The following KIF26B variants were observed in gnomAD, a reference collection of about 807,000 sequenced individuals.
The protein encoded by KIF26B is kinesin family member 26B.
KIF26B carries 63 observed loss-of-function variants against 151.2 expected under a neutral mutation model. The observed-to-expected ratio is 0.42, with a 90% CI of 0.34 to 0.51. KIF26B has a LOEUF of 0.51. Ranked by LOEUF, KIF26B falls within the 20% of genes least tolerant of loss-of-function variation. The probability of loss-of-function intolerance (pLI) is 0.07; values close to 1 mark genes in which losing one functional copy is unlikely to be tolerated. For missense variants in KIF26B, 2,813 were observed against 2,913.6 expected, an observed-to-expected ratio of 0.97 and a Z score of 0.79; for synonymous variants, 1,357 against 1,262.1, an observed-to-expected ratio of 1.08 and a Z score of -1.59.
At position 245,559,751 on chromosome 1, in the gene KIF26B, G is replaced by T. The variant is rs577432229; in HGVS notation, c.1350+18801G>T. Among the ~76,000 whole-genome samples the T allele has an allele frequency of 7.6e-4, 115 of 151,872 alleles. 1 individual carries two copies. In the South Asian group the frequency reaches 0.023, roughly 30 times the overall value. On this transcript the variant is annotated intron_variant, in intron 5 of 14. Coordinates refer to ENST00000407071, the MANE Select transcript of KIF26B (RefSeq NM_018012.4). ...TAGAGATGGGGGGTCTTACTATGTT[G>T]CCCAGGCTGGTTTTGAACTCCTGGA... is the stretch of plus-strand genomic sequence containing the variant.
At chr1:245,355,653 C>G (rs1324129168) in intron 2 of KIF26B, among the ~76,000 whole-genome samples, 1 of 151,698 alleles carries the variant, frequency 6.6e-6, no homozygotes, top group African/African-American at 2.4e-5. Context: ...TACCAGCGGT[C>G]AAGAACCATT....
intron 4 of KIF26B, among the ~76,000 whole-genome samples, chr1:245,510,499 C>G (rs987375756): frequency 2.6e-5 from 4 of 151,910 alleles, no homozygotes; most frequent in South Asian, 4.2e-4. Flanking sequence ...AGCTGCTGTG[C>G]CAAGAACCCT....
intron 10 of KIF26B, among the ~76,000 whole-genome samples, chr1:245,661,719 C>G (rs867444110): frequency 7.8e-6 from 1 of 128,030 alleles, no homozygotes; most frequent in South Asian, 2.6e-4. Flanking sequence ...ACACACACCA[C>G]CAATATATAT....
chr1:245,626,170 G>A (rs978176577), intron 9 of KIF26B, among the ~76,000 whole-genome samples: 2 of 152,154 alleles, frequency 1.3e-5, no homozygotes, highest in South Asian at 2.1e-4. Context: ...TGGCTGTTGC[G>A]AATAGAGCTG....
intron 2 of KIF26B, among the ~76,000 whole-genome samples, chr1:245,248,432 T>G (rs1670376703): frequency 6.6e-6 from 1 of 152,196 alleles, no homozygotes; most frequent in African/African-American, 2.4e-5. Flanking sequence ...AGAACAGCAT[T>G]TCCTGTATGA....
intron 10 of KIF26B, among the ~76,000 whole-genome samples, chr1:245,661,683 A>C (rs2044141648): frequency 1.4e-5 from 2 of 142,258 alleles, no homozygotes; most frequent in South Asian, 4.7e-4. Flanking sequence ...ATATATATAT[A>C]TACACCCAAT....
chr1:245,220,081 T>G (rs1669733141), intron 2 of KIF26B, among the ~76,000 whole-genome samples: 1 of 152,166 alleles, frequency 6.6e-6, no homozygotes, highest in African/African-American at 2.4e-5. Context: ...GCTGGGTGTT[T>G]CCAGGAGAGC....
chr1:245,240,517 G>A lies in KIF26B; in HGVS notation c.465+83834G>A, dbSNP rs560883758. 2.0e-5 allele frequency among the ~76,000 whole-genome samples: 3 copies of A among 152,314 alleles called. No homozygotes were observed. The South Asian group carries it at 6.2e-4, about 32-fold the overall frequency. On this transcript the variant is annotated intron_variant, in intron 2 of 14. Coordinates refer to ENST00000407071, the MANE Select transcript of KIF26B (RefSeq NM_018012.4). ...CACATACATGTACAGACATACGAGTGTGTATAGAATGTGGAGAAATACCAC... is the reference window on the plus strand; with the variant it reads ...CACATACATGTACAGACATACGAGTATGTATAGAATGTGGAGAAATACCAC...
chr1:245,344,732 T>C (rs1672411576), intron 2 of KIF26B, among the ~76,000 whole-genome samples: 1 of 151,862 alleles, frequency 6.6e-6, no homozygotes, highest in African/African-American at 2.4e-5. Flanking sequence ...GCACAGATAA[T>C]CTTTACCAGT....
intron 2 of KIF26B, chr1:245,282,949 C>T (rs1671089413): frequency 6.3e-6 from 2 of 318,480 alleles, no homozygotes; most frequent in Admixed American, 3.4e-5. Context: ...CTGTAGTAGC[C>T]ACCACCGAAG....
chr1:245,248,761 A>G (rs1351082475), intron 2 of KIF26B, among the ~76,000 whole-genome samples: 1 of 152,134 alleles, frequency 6.6e-6, no homozygotes, highest in Non-Finnish European at 1.5e-5. Flanking sequence ...TCCATCTGAG[A>G]TGTTTGCCAA....
intron 4 of KIF26B, among the ~76,000 whole-genome samples, chr1:245,436,155 C>G (rs534927271): frequency 2.7e-5 from 4 of 148,346 alleles, no homozygotes; most frequent in African/African-American, 1.0e-4. Flanking sequence ...CCAGCCTGGG[C>G]GACAGAGTGA....
chr1:245,282,629 C>T (rs1671078117), intron 2 of KIF26B, among the ~76,000 whole-genome samples: 2 of 152,176 alleles, frequency 1.3e-5, no homozygotes, highest in Non-Finnish European at 1.5e-5. Context: ...CCCAATCAAA[C>T]CAATCCCCTA....
intron 5 of KIF26B, among the ~76,000 whole-genome samples, chr1:245,575,213 G>A (rs1027795939): frequency 5.3e-5 from 8 of 151,382 alleles, no homozygotes; most frequent in African/African-American, 9.7e-5. Context: ...GGTGGCTCAC[G>A]CCTGTAATCC....
chr1:245,214,768 A>G (rs998236434), intron 2 of KIF26B, among the ~76,000 whole-genome samples: 3 of 151,844 alleles, frequency 2.0e-5, no homozygotes, highest in Non-Finnish European at 4.4e-5. Flanking sequence ...TGAACCCAGG[A>G]GGTGGAGGTT....
intron 2 of KIF26B, among the ~76,000 whole-genome samples, chr1:245,209,408 T>TA (rs1398890058): frequency 7.0e-6 from 1 of 142,596 alleles, no homozygotes; most frequent in African/African-American, 2.6e-5. Context: ...CTAAAAAAAA[T>TA]AAAACAAGAA....
intron 4 of KIF26B, among the ~76,000 whole-genome samples, chr1:245,422,112 A>C (rs924027202): frequency 3.3e-5 from 5 of 152,108 alleles, no homozygotes; most frequent in African/African-American, 1.2e-4. Context: ...GCTGGAAAGG[A>C]TCCCTAAGGC....
chr1:245,483,678 G>A (rs1660218583), intron 4 of KIF26B, among the ~76,000 whole-genome samples: 2 of 151,928 alleles, frequency 1.3e-5, no homozygotes, highest in African/African-American at 4.8e-5. Context: ...GGCGTGGGTA[G>A]TGAACTTGTA....
At chr1:245,631,166 A>G (rs934192265) in intron 9 of KIF26B, among the ~76,000 whole-genome samples, 31 of 152,168 alleles carry the variant, frequency 2.0e-4, no homozygotes, top group African/African-American at 7.5e-4. Flanking sequence ...ACTATGTTGA[A>G]TAACAGTGGT....
Sources: gnomAD v4.1 joint callset for allele counts (sites outside exome capture counted in the v4.1 genomes callset) on GRCh38, gnomAD v4.1.1 for gene constraint, MANE v1.5 for transcripts, NCBI Gene and HGNC (gene_info 2026-07-23, HGNC 2026-07-21) for gene names.